The following CCDC6 variants were observed in gnomAD, a reference collection of about 807,000 sequenced individuals.
CCDC6 encodes coiled-coil domain-containing protein 6.
CCDC6 carries 20 observed loss-of-function variants against 56.6 expected under a neutral mutation model. The ratio of observed to expected loss-of-function variants is 0.35; its 90% CI spans 0.25 to 0.51. The LOEUF (loss-of-function observed/expected upper bound fraction) is 0.51, where lower values mean the gene tolerates loss of function less well. CCDC6 is among the 20% of genes least tolerant of loss of function. The pLI, the probability that CCDC6 is intolerant of heterozygous loss-of-function variation, is 0.95. For synonymous variants in CCDC6, 241 were observed against 234.4 expected, an observed-to-expected ratio of 1.03 and a Z score of -0.26; for missense variants, 367 against 601.1, an observed-to-expected ratio of 0.61 and a Z score of 4.07.
chr10:59,840,408 C>T (rs1294129484), intron 2 of CCDC6, among the ~76,000 whole-genome samples: 1 of 152,178 alleles, frequency 6.6e-6, no homozygotes, highest in Non-Finnish European at 1.5e-5. Flanking sequence ...TTTGTCATTA[C>T]ATATGGTGCA....
At chr10:59,794,445 T>C in intron 8 of CCDC6, 28 bp downstream of exon 8, 2 of 1,612,942 alleles carry the variant, frequency 1.2e-6, no homozygotes, top group South Asian at 2.2e-5. Context: ...AGGAGTAAAG[T>C]GCTGCTTCCT....
intron 5 of CCDC6, among the ~76,000 whole-genome samples, chr10:59,808,632 A>G (rs2070646761): frequency 6.6e-6 from 1 of 152,208 alleles, no homozygotes. Context: ...CGTCTAAGAG[A>G]GTTTCCTGTA....
rs11421511 is a variant in CCDC6, at chr10:59,793,774, G to GAA, written c.1231-665_1231-664dup. The stretch of plus-strand genomic sequence containing the variant: ...ACTCCAGCCTGGATGACAGAGTGAG[G>GAA]AAAAAAAAAAAAAAAGTTCCTACTT... On this transcript the variant is annotated intron_variant, in intron 8 of 8. Transcript: ENST00000263102. Among the ~76,000 whole-genome samples, 1,288 of 143,786 alleles carry GAA rather than the reference G, an allele frequency of 9.0e-3. 22 individuals are homozygous for GAA. The highest frequency in any genetic ancestry group is 0.025 in the African/African-American group (962 of 39,172). 94.3% of individuals were successfully genotyped at this position (143,786 alleles called of 152,430 possible).
At chr10:59,861,237 TA>T (rs2071125514) in intron 1 of CCDC6, among the ~76,000 whole-genome samples, 1 of 151,790 alleles carries the variant, frequency 6.6e-6, no homozygotes, top group African/African-American at 2.4e-5. Context: ...TGTGTGCTTG[TA>T]GTCCACTTAC....
Position 59,788,938 on chromosome 10 carries a change from C to A in CCDC6, c.*3979G>T, listed in dbSNP as rs1032660710. 39 of 213,500 alleles carry A rather than the reference C, an allele frequency of 1.8e-4. No homozygotes were observed. The highest frequency in any genetic ancestry group is 7.6e-5 in the Non-Finnish European group (8 of 105,656). 13.2% of individuals were successfully genotyped at this position (213,500 alleles called of 1,614,324 possible). A position where few individuals can be genotyped will look rare whatever the true frequency, so the allele number is the denominator to read the frequency against. On this transcript the variant is annotated 3_prime_UTR_variant, in exon 9 of 9. Coordinates refer to ENST00000263102, the MANE Select transcript of CCDC6 (RefSeq NM_005436.5). ...AACTCCAACCTAGTCAAGTTGTAGA[C>A]AAGCTATCATGAACAACATACAGTG...
At chr10:59,867,086 T>C (rs932891273) in intron 1 of CCDC6, among the ~76,000 whole-genome samples, 8 of 152,234 alleles carry the variant, frequency 5.3e-5, no homozygotes, top group Admixed American at 2.6e-4. Flanking sequence ...CAAGCTTTTG[T>C]AGGGTAAATG....
intron 2 of CCDC6, among the ~76,000 whole-genome samples, chr10:59,839,393 T>G (rs2070916749): frequency 6.6e-6 from 1 of 152,202 alleles, no homozygotes; most frequent in Non-Finnish European, 1.5e-5. Flanking sequence ...AAATACTGAT[T>G]GAATAAATGA....
chr10:59,801,998 T>C (rs2070580476), intron 7 of CCDC6, among the ~76,000 whole-genome samples: 2 of 152,162 alleles, frequency 1.3e-5, no homozygotes, highest in African/African-American at 4.8e-5. Context: ...GAAACCAATG[T>C]CTGTGGGGTA....
chr10:59,893,615 AATACATAC>A (rs67669225), intron 1 of CCDC6, among the ~76,000 whole-genome samples: 52,419 of 148,394 alleles, frequency 0.35, 10,158 homozygotes, highest in East Asian at 0.6. Context: ...CAAACAAACA[AATACATAC>A]ATACATACAT....
intron 8 of CCDC6, among the ~76,000 whole-genome samples, chr10:59,793,442 C>T (rs2070485488): frequency 6.6e-6 from 1 of 152,154 alleles, no homozygotes; most frequent in Non-Finnish European, 1.5e-5. Flanking sequence ...TATTGCTTAT[C>T]TCCAATAAGT....
chr10:59,862,516 TACACACACACACACACACAC>T lies in CCDC6; in HGVS notation c.304-9834_304-9815del, dbSNP rs60162547. Among the ~76,000 whole-genome samples the T allele has an allele frequency of 1.1e-4, 11 of 97,188 alleles. No individual in the cohort carries two copies. The South Asian group carries it at 3.6e-3, about 32-fold the overall frequency. The allele number at this position is 97,188 out of a possible 152,430, so 63.8% of individuals were successfully genotyped here. A position where few individuals can be genotyped will look rare whatever the true frequency, so the allele number is the denominator to read the frequency against. ...AAAAAAAAAAGTATATATATATATA[TACACACACACACACACACAC>T]ACACACACACACACACACACATATA... On this transcript the variant is annotated intron_variant, in intron 1 of 8. Transcript: ENST00000263102.
intron 7 of CCDC6, among the ~76,000 whole-genome samples, chr10:59,802,112 A>T (rs941380602): frequency 9.8e-5 from 15 of 152,304 alleles, no homozygotes; most frequent in African/African-American, 3.6e-4. Context: ...CCTTCATTAT[A>T]CTGCATAAAA....
intron 1 of CCDC6, among the ~76,000 whole-genome samples, chr10:59,890,033 A>T (rs1407693262): frequency 6.6e-6 from 1 of 152,118 alleles, no homozygotes; most frequent in Admixed American, 6.5e-5. Context: ...TGGGGGCCAA[A>T]TGCAAGCTGC....
intron 4 of CCDC6, among the ~76,000 whole-genome samples, chr10:59,813,903 A>C (rs530952017): frequency 9.2e-4 from 140 of 152,320 alleles, no homozygotes; most frequent in Non-Finnish European, 1.6e-3. Flanking sequence ...TCCAAACCAA[A>C]TACTTAAGGA....
chr10:59,818,809 T>C (rs952371148), intron 3 of CCDC6, among the ~76,000 whole-genome samples: 1 of 151,838 alleles, frequency 6.6e-6, no homozygotes, highest in Non-Finnish European at 1.5e-5. Context: ...TATTGTAAAA[T>C]ACAAATTCAT....
intron 7 of CCDC6, among the ~76,000 whole-genome samples, chr10:59,795,298 T>C (rs1794222095): frequency 6.6e-6 from 1 of 151,834 alleles, no homozygotes; most frequent in African/African-American, 2.4e-5. Flanking sequence ...AATGAAAAAA[T>C]GCACAGAGAA....
intron 1 of CCDC6, among the ~76,000 whole-genome samples, chr10:59,865,488 CA>C (rs1298623293): frequency 1.1e-4 from 16 of 152,168 alleles, no homozygotes; most frequent in Admixed American, 5.2e-4. Context: ...AATAAAAATC[CA>C]AACAAAGAAT....
chr10:59,845,360 T>C (rs2070982840), intron 2 of CCDC6, among the ~76,000 whole-genome samples: 2 of 149,604 alleles, frequency 1.3e-5, no homozygotes, highest in South Asian at 4.3e-4. Context: ...TTTTTTTTTT[T>C]TTTTTTTTTG....
At chr10:59,860,745 C>T (rs1189611666) in intron 1 of CCDC6, among the ~76,000 whole-genome samples, 3 of 152,120 alleles carry the variant, frequency 2.0e-5, no homozygotes, top group African/African-American at 4.8e-5. Context: ...AAGAGGCGTG[C>T]TCATTTCCAG....
Sources: allele counts gnomAD v4.1 joint callset (sites outside exome capture counted in the v4.1 genomes callset), GRCh38; gene constraint gnomAD v4.1.1; transcripts MANE v1.5; gene names NCBI Gene and HGNC (gene_info 2026-07-23, HGNC 2026-07-21).